KCNMA1: variants seen among roughly 807,000 people sequenced by gnomAD.
KCNMA1 encodes the protein Calcium-activated potassium channel subunit alpha-1.
A neutral mutation model predicts 140.0 loss-of-function variants in KCNMA1; 29 were observed. That is an observed-to-expected ratio of 0.21 (90% CI 0.15 to 0.28). KCNMA1 has a LOEUF of 0.28. Ranked by LOEUF, KCNMA1 falls within the 10% of genes least tolerant of loss-of-function variation. The pLI is 1.00. For synonymous variants in KCNMA1, 612 were observed against 611.9 expected (o/e 1.00, Z 0.00); for missense variants, 880 against 1,602.2 (o/e 0.55, Z 7.70).
chr10:76,871,401 T>C (rs1589306246), exon 28 of KCNMA1: 1 of 152,352 alleles, frequency 6.6e-6, no homozygotes, highest in South Asian at 2.1e-4. Flanking sequence ...GAATATACTC[T>C]AGACCCACAG....
At chr10:76,959,229 C>A (rs1482082635) in intron 20 of KCNMA1, among the ~76,000 whole-genome samples, 1 of 152,184 alleles carries the variant, frequency 6.6e-6, no homozygotes, top group African/African-American at 2.4e-5. Flanking sequence ...AAAGAGGAAG[C>A]CTGAACACTA....
At chr10:77,515,845 G>A (rs999028046) in intron 1 of KCNMA1, among the ~76,000 whole-genome samples, 3 of 152,078 alleles carry the variant, frequency 2.0e-5, no homozygotes, top group Admixed American at 1.3e-4. Flanking sequence ...GAGGCTTCCC[G>A]GCACCTGGCA....
At chr10:77,551,561 T>C (rs1173322850) in intron 1 of KCNMA1, among the ~76,000 whole-genome samples, 1 of 152,234 alleles carries the variant, frequency 6.6e-6, no homozygotes, top group Admixed American at 6.5e-5. Context: ...CTGCTCTCCA[T>C]GTGGCCAGGA....
At chr10:77,511,632 C>T (rs1173476146) in intron 1 of KCNMA1, among the ~76,000 whole-genome samples, 1 of 152,124 alleles carries the variant, frequency 6.6e-6, no homozygotes, top group African/African-American at 2.4e-5. Flanking sequence ...TTGGGGAATG[C>T]CTGGCATCTA....
At chr10:77,196,427 C>T (rs1199871128) in intron 3 of KCNMA1, among the ~76,000 whole-genome samples, 5 of 152,160 alleles carry the variant, frequency 3.3e-5, no homozygotes, top group South Asian at 2.1e-4. Flanking sequence ...GGCAGGATCG[C>T]CTGCCTGCAC....
intron 14 of KCNMA1, among the ~76,000 whole-genome samples, chr10:77,069,424 A>G (rs1250483843): frequency 6.6e-6 from 1 of 152,166 alleles, no homozygotes; most frequent in Non-Finnish European, 1.5e-5. Flanking sequence ...TCTCTTTCCT[A>G]AAGGTATTAG....
chr10:77,402,412 C>T (rs969423965), intron 2 of KCNMA1, among the ~76,000 whole-genome samples: 1 of 152,214 alleles, frequency 6.6e-6, no homozygotes, highest in Non-Finnish European at 1.5e-5. Context: ...TCTCTCTCCT[C>T]CTCCAAAACT....
chr10:77,495,202 A>G (rs936204914), intron 1 of KCNMA1, among the ~76,000 whole-genome samples: 2 of 152,210 alleles, frequency 1.3e-5, no homozygotes, highest in African/African-American at 4.8e-5. Context: ...TTACTAATAT[A>G]CTGGAACAGA....
At chr10:77,340,414 T>C (rs1474891050) in intron 2 of KCNMA1, among the ~76,000 whole-genome samples, 1 of 152,202 alleles carries the variant, frequency 6.6e-6, no homozygotes, top group Non-Finnish European at 1.5e-5. Context: ...CATGCACATG[T>C]ATGTTTATTG....
intron 1 of KCNMA1, among the ~76,000 whole-genome samples, chr10:77,553,145 A>G (rs1003477293): frequency 6.6e-6 from 1 of 152,236 alleles, no homozygotes; most frequent in East Asian, 1.9e-4. Flanking sequence ...AGACATTAAC[A>G]TTTTAGTGAT....
intron 1 of KCNMA1, among the ~76,000 whole-genome samples, chr10:77,599,197 T>A (rs2081873314): frequency 6.6e-6 from 1 of 152,244 alleles, no homozygotes; most frequent in East Asian, 1.9e-4. Flanking sequence ...GATGCCTCAC[T>A]GGATAATGCA....
intron 1 of KCNMA1, among the ~76,000 whole-genome samples, chr10:77,443,082 T>TAC (rs2097443988): frequency 1.3e-5 from 2 of 152,134 alleles, no homozygotes; most frequent in South Asian, 4.1e-4. Flanking sequence ...GGTGGCTGGG[T>TAC]ACACACACAT....
intron 1 of KCNMA1, among the ~76,000 whole-genome samples, chr10:77,533,464 G>A (rs968313750): frequency 1.3e-5 from 2 of 152,142 alleles, no homozygotes; most frequent in Admixed American, 6.5e-5. Context: ...AGCCAAACAA[G>A]AGGAAGGCAG....
chr10:77,320,079 T>C (rs1052736612), intron 2 of KCNMA1, among the ~76,000 whole-genome samples: 4 of 152,180 alleles, frequency 2.6e-5, no homozygotes, highest in Non-Finnish European at 4.4e-5. Context: ...TAACACAATC[T>C]ACACTCTGTG....
rs1288130399 is a variant in KCNMA1 at position 76,889,073 on chromosome 10, CAAAAAACA to C, written c.3461+370_3461+377del. 4.7e-5 allele frequency among the ~76,000 whole-genome samples: 7 copies of C among 148,660 alleles called. No homozygotes were observed. In the East Asian group the frequency reaches 5.9e-4, roughly 13 times the overall value. ...CACTCCATCTCAAAAAACAAACAAA[CAAAAAACA>C]AAAAAACAAAAAAACTTATCTTAAA... is the stretch of plus-strand genomic sequence containing the variant. On this transcript the variant is annotated intron_variant, in intron 27 of 27. Transcript: ENST00000286628.
chr10:77,245,395 G>A (rs1460035284), intron 3 of KCNMA1, among the ~76,000 whole-genome samples: 1 of 152,176 alleles, frequency 6.6e-6, no homozygotes, highest in Admixed American at 6.5e-5. Flanking sequence ...GATGGGATCT[G>A]TGCTGTCCTC....
chr10:77,547,218 T>C (rs1395190124), intron 1 of KCNMA1, among the ~76,000 whole-genome samples: 1 of 152,184 alleles, frequency 6.6e-6, no homozygotes, highest in Non-Finnish European at 1.5e-5. Flanking sequence ...AAAATTTCCT[T>C]CTTGGAAGCT....
intron 19 of KCNMA1, among the ~76,000 whole-genome samples, chr10:76,990,993 T>C (rs1018726684): frequency 1.3e-5 from 2 of 152,162 alleles, no homozygotes; most frequent in African/African-American, 4.8e-5. Flanking sequence ...GAGGAATCAT[T>C]TGGGTGCTGC....
At chr10:77,352,537 T>C (rs2093005037) in intron 2 of KCNMA1, among the ~76,000 whole-genome samples, 1 of 152,210 alleles carries the variant, frequency 6.6e-6, no homozygotes. Flanking sequence ...TGTAATTTCA[T>C]TTAAACTTAA....
Sources: gnomAD v4.1 joint callset for allele counts (sites outside exome capture counted in the v4.1 genomes callset) on GRCh38, gnomAD v4.1.1 for gene constraint, MANE v1.5 for transcripts, NCBI Gene and HGNC (gene_info 2026-07-23, HGNC 2026-07-21) for gene names.